The following NSD1 variants were observed in gnomAD, a reference collection of about 807,000 sequenced individuals.
The protein encoded by NSD1 is nuclear receptor binding SET domain protein 1, also known as histone-lysine N-methyltransferase, H3 lysine-36 specific.
NSD1 carries 26 observed loss-of-function variants against 242.7 expected under a neutral mutation model. That is an observed-to-expected ratio of 0.11 (90% CI 0.08 to 0.15). The LOEUF (loss-of-function observed/expected upper bound fraction) is 0.15. Among genes scored for constraint, NSD1 ranks in the 10% least tolerant of loss-of-function variants. The pLI, the probability that NSD1 is intolerant of heterozygous loss-of-function variation, is 1.00. For missense variants in NSD1, 2,495 were observed against 3,272.8 expected, an observed-to-expected ratio of 0.76 and a Z score of 5.80; for synonymous variants, 1,106 against 1,178.1, an observed-to-expected ratio of 0.94 and a Z score of 1.25.
intron 2 of NSD1, among the ~76,000 whole-genome samples, chr5:177,179,828 G>A (rs1001518581): frequency 1.3e-5 from 2 of 152,192 alleles, no homozygotes; most frequent in Non-Finnish European, 2.9e-5. Context: ...AGATGGGGAA[G>A]GGGGCCAATC....
rs1225458164 is a variant in NSD1 at position 177,300,059 on chromosome 5, C to G, written c.*4600C>G. The G allele has an allele frequency of 1.3e-4, 3 of 23,982 alleles. 1 individual carries two copies. The highest frequency in any genetic ancestry group is 1.1e-3 in the Admixed American group (2 of 1,798). The allele number at this position is 23,982 out of a possible 1,614,324, so 1.5% of individuals were successfully genotyped here. On this transcript the variant is annotated 3_prime_UTR_variant, in exon 23 of 23. Transcript: ENST00000439151. ...GTCCATCATTGCTTTTTTGCCGCGCCCCCCCCCCCCCGCCCCCATAGATTG... is the reference window on the plus strand; with the variant it reads ...GTCCATCATTGCTTTTTTGCCGCGCGCCCCCCCCCCCGCCCCCATAGATTG...
At chr5:177,169,818 T>C (rs190012970) in intron 2 of NSD1, among the ~76,000 whole-genome samples, 16 of 152,344 alleles carry the variant, frequency 1.1e-4, no homozygotes, top group African/African-American at 3.6e-4. Context: ...CAATATCAAA[T>C]TGCAAATTCC....
At chr5:177,157,648 TAAAG>T (rs1259216566) in intron 2 of NSD1, among the ~76,000 whole-genome samples, 1 of 152,072 alleles carries the variant, frequency 6.6e-6, no homozygotes, top group East Asian at 1.9e-4. Context: ...ATCTCAAAAA[TAAAG>T]AATAAAATGC....
intron 2 of NSD1, among the ~76,000 whole-genome samples, chr5:177,158,250 TTTC>T (rs200529576): frequency 0.047 from 4,031 of 85,030 alleles, 132 homozygotes; most frequent in East Asian, 0.21. Context: ...TCTTTCTTTC[TTTC>T]TTTCTTTCTT....
intron 20 of NSD1, among the ~76,000 whole-genome samples, chr5:177,285,165 A>G (rs1759206007): frequency 6.6e-6 from 1 of 152,198 alleles, no homozygotes; most frequent in African/African-American, 2.4e-5. Flanking sequence ...GATATTTTCC[A>G]TAAATTAAAG....
intron 5 of NSD1, among the ~76,000 whole-genome samples, chr5:177,227,632 G>A (rs1269286264): frequency 1.3e-5 from 2 of 152,096 alleles, no homozygotes; most frequent in African/African-American, 4.8e-5. Context: ...GTAGGGACAG[G>A]GTTTCGCCTG....
intron 16 of NSD1, among the ~76,000 whole-genome samples, chr5:177,272,683 A>G (rs1041002300): frequency 1.3e-5 from 2 of 152,142 alleles, no homozygotes; most frequent in Non-Finnish European, 2.9e-5. Context: ...TGACCTTAGG[A>G]GTTTAAGGCC....
intron 6 of NSD1, among the ~76,000 whole-genome samples, chr5:177,237,828 C>A (rs1219938576): frequency 6.6e-6 from 1 of 152,140 alleles, no homozygotes; most frequent in African/African-American, 2.4e-5. Context: ...CCACCACGCC[C>A]AGCCTATTTT....
chr5:177,241,583 A>C (rs1290268204), intron 8 of NSD1, among the ~76,000 whole-genome samples: 2 of 152,040 alleles, frequency 1.3e-5, no homozygotes, highest in Non-Finnish European at 2.9e-5. Context: ...TTTAAGTATT[A>C]ATTATACTTA....
intron 2 of NSD1, among the ~76,000 whole-genome samples, chr5:177,186,029 A>AT (rs565401593): frequency 5.8e-4 from 59 of 102,244 alleles, no homozygotes; most frequent in Non-Finnish European, 8.4e-4. Flanking sequence ...TATATTATAT[A>AT]TTTTTTATAT....
chr5:177,197,579 G>A (rs1417845526), intron 3 of NSD1, among the ~76,000 whole-genome samples: 4 of 150,820 alleles, frequency 2.7e-5, no homozygotes, highest in Non-Finnish European at 4.4e-5. Context: ...CCAAGATGAC[G>A]CCACTGCACT....
chr5:177,189,475 T>G (rs1761499145), intron 2 of NSD1, among the ~76,000 whole-genome samples: 1 of 152,222 alleles, frequency 6.6e-6, no homozygotes, highest in African/African-American at 2.4e-5. Context: ...ATGTGCTAGA[T>G]TGGTTATAGT....
Position 177,294,958 on chromosome 5 carries a change from T to A in NSD1, c.7590T>A (p.Val2530=). The change falls in exon 23 of 23, where the codon GTT becomes GTA. Residue 2530 remains valine (V), a synonymous_variant. Transcript: ENST00000439151. ...CTTCAGAGGACCCCTGGCAAGCTGT[T>A]AAATCACTCACCCAGGCCAGACTTC... ...AAPSEDPWQA[V]KSLTQARLLS... is the part of the protein sequence containing the mutation. 6.2e-7 allele frequency: 1 copy of A among 1,614,210 alleles called. No homozygotes were observed. The highest frequency in any genetic ancestry group is 2.2e-5 in the East Asian group (1 of 44,880).
At chr5:177,145,415 A>G (rs181986872) in intron 2 of NSD1, among the ~76,000 whole-genome samples, 8 of 151,724 alleles carry the variant, frequency 5.3e-5, no homozygotes, top group Admixed American at 4.0e-4. Flanking sequence ...AGTAGTTGGG[A>G]CTACAGGCCC....
chr5:177,266,507 C>T (rs373451975), intron 14 of NSD1: 1 of 625,564 alleles, frequency 1.6e-6, no homozygotes, highest in Middle Eastern at 2.8e-4. Context: ...GACGTCATGC[C>T]CTCGACGTTC....
chr5:177,264,028 A>ATTTTTTTTTTTTTT (rs61538775), intron 14 of NSD1, among the ~76,000 whole-genome samples: 1,107 of 76,346 alleles, frequency 0.014, 203 homozygotes, highest in Non-Finnish European at 0.019. Context: ...CAATGAACCA[A>ATTTTTTTTTTTTTT]TTTTTTTTTT....
chr5:177,185,454 C>G (rs558657025), intron 2 of NSD1, among the ~76,000 whole-genome samples: 1 of 150,964 alleles, frequency 6.6e-6, no homozygotes, highest in Non-Finnish European at 1.5e-5. Flanking sequence ...AAAAATTAGC[C>G]GGGCATGGTG....
chr5:177,225,393 T>C (rs1764558987), intron 5 of NSD1, among the ~76,000 whole-genome samples: 1 of 152,198 alleles, frequency 6.6e-6, no homozygotes, highest in Admixed American at 6.5e-5. Flanking sequence ...TCTGCCTGTC[T>C]GAGCCTCCCA....
intron 18 of NSD1, 141 bp from the exon 19 acceptor site, chr5:177,282,324 G>C (rs1045947538): frequency 6.6e-6 from 5 of 752,224 alleles, no homozygotes; most frequent in Non-Finnish European, 1.2e-5. Flanking sequence ...GGATCGTAAA[G>C]TAATTATGTG....
Sources: allele counts gnomAD v4.1 joint callset (sites outside exome capture counted in the v4.1 genomes callset), GRCh38; gene constraint gnomAD v4.1.1; transcripts MANE v1.5; gene names NCBI Gene and HGNC (gene_info 2026-07-23, HGNC 2026-07-21).